PSMC2: variants seen among roughly 807,000 people sequenced by gnomAD.
The protein encoded by PSMC2 is 26S proteasome regulatory subunit 7.
Under a neutral mutation model 53.3 loss-of-function variants are expected in PSMC2, and 7 were observed. The ratio of observed to expected loss-of-function variants is 0.13; its 90% confidence interval spans 0.07 to 0.25. The LOEUF (loss-of-function observed/expected upper bound fraction) is 0.25, where lower values mean the gene tolerates loss of function less well. PSMC2 is among the 10% of genes least tolerant of loss of function. The probability of loss-of-function intolerance (pLI) is 1.00; values close to 1 mark genes in which losing one functional copy is unlikely to be tolerated. For synonymous variants in PSMC2, 169 were observed against 183.9 expected (o/e 0.92, Z 0.66); for missense variants, 241 against 544.0 (o/e 0.44, Z 5.54).
chr7:103,350,209 T>G (rs577305960), intron 1 of PSMC2, among the ~76,000 whole-genome samples: 21 of 152,326 alleles, frequency 1.4e-4, no homozygotes, highest in African/African-American at 4.8e-4. Flanking sequence ...TCTCCTAAGT[T>G]ACAAGTCATT....
intron 1 of PSMC2, 21 bp downstream of exon 1, chr7:103,347,802 G>A (rs371109157): frequency 1.3e-4 from 215 of 1,613,408 alleles, no homozygotes; most frequent in Non-Finnish European, 1.8e-4. Context: ...ATGGGCCGGA[G>A]CTCGGAGCTG....
At chr7:103,362,606 T>G in intron 5 of PSMC2, 80 bp from the exon 6 acceptor site, 1 of 1,480,586 alleles carries the variant, frequency 6.8e-7, no homozygotes, top group South Asian at 1.2e-5. Context: ...AAAGTATGGT[T>G]TTGGGGATAA....
chr7:103,349,651 T>A (rs1819685245), intron 1 of PSMC2, among the ~76,000 whole-genome samples: 1 of 152,124 alleles, frequency 6.6e-6, no homozygotes, highest in South Asian at 2.1e-4. Context: ...GGTTTCACAA[T>A]GTTGGCCAGG....
intron 1 of PSMC2, chr7:103,348,535 T>C (rs1819655968): frequency 1.4e-6 from 1 of 705,000 alleles, no homozygotes; most frequent in African/African-American, 1.7e-5. Flanking sequence ...GACGTGTAGA[T>C]TTTTCCAATT....
rs531480500 is a variant in PSMC2 at position 103,360,888 on chromosome 7, G to A, written c.291-1069G>A. 2.0e-5 allele frequency among the ~76,000 whole-genome samples: 3 copies of A among 152,204 alleles called. No individual in the cohort carries two copies. In the South Asian group the frequency reaches 6.2e-4, roughly 32 times the overall value. On this transcript the variant is annotated intron_variant, in intron 4 of 11. Transcript: ENST00000292644. The stretch of plus-strand genomic sequence containing the variant: ...GCACTTTGGGAGGCCGAAGCAGGTG[G>A]ATCACTTGAGGTCGGGAGTTTGAAA...
chr7:103,363,286 T>G, intron 6 of PSMC2, 58 bp from the exon 7 acceptor site: 1 of 1,377,528 alleles, frequency 7.3e-7, no homozygotes, highest in South Asian at 1.2e-5. Context: ...TCTATTGAAT[T>G]TGGACAGTAT....
intron 6 of PSMC2, 32 bp from the exon 7 acceptor site, chr7:103,363,312 C>G (rs200258655): frequency 1.3e-6 from 2 of 1,537,794 alleles, no homozygotes; most frequent in African/African-American, 2.7e-5. Flanking sequence ...AAGCCTGTGA[C>G]TGTATGTTGT....
At chr7:103,355,268 A>G (rs547961302) in intron 3 of PSMC2, among the ~76,000 whole-genome samples, 1 of 152,168 alleles carries the variant, frequency 6.6e-6, no homozygotes, top group East Asian at 1.9e-4. Context: ...ATCTCACAAC[A>G]TAGTTTTGCT....
rs538403659 is a variant in PSMC2, at chr7:103,353,005, A to G, written c.71-916A>G. The G allele has an allele frequency of 3.3e-4, 258 of 777,870 alleles. 2 individuals carry two copies. The East Asian group carries it at 6.2e-3, about 19-fold the overall frequency. 48.2% of individuals were successfully genotyped at this position (777,870 alleles called of 1,614,324 possible). A position where few individuals can be genotyped will look rare whatever the true frequency, so the allele number is the denominator to read the frequency against. The stretch of plus-strand genomic sequence containing the variant: ...CCACTCTGTCTATTTGCAAATGACC[A>G]TGAAAGCACATGAGTATTGATTTGG... On this transcript the variant is annotated intron_variant, in intron 1 of 11. Coordinates refer to ENST00000292644, the MANE Select transcript of PSMC2 (RefSeq NM_002803.4).
rs1275383008 is a variant in PSMC2 at position 103,366,250 on chromosome 7, A to G, written c.844+87A>G. ...ATGTCGTGATATGTTAATCTTGTACAGAATTTTAACTCCAACTCTTCTATG... is the reference window on the plus strand; with the variant it reads ...ATGTCGTGATATGTTAATCTTGTACGGAATTTTAACTCCAACTCTTCTATG... On this transcript the variant is annotated intron_variant, in intron 9 of 11. Coordinates refer to ENST00000292644, the MANE Select transcript of PSMC2 (RefSeq NM_002803.4). 5 of 1,226,024 alleles carry G rather than the reference A, an allele frequency of 4.1e-6. No homozygotes were observed. The East Asian group carries it at 7.0e-5, about 17-fold the overall frequency. 75.9% of individuals were successfully genotyped at this position (1,226,024 alleles called of 1,614,324 possible).
chr7:103,347,619 A>C (rs568087223), upstream of PSMC2: 1 of 1,469,486 alleles, frequency 6.8e-7, no homozygotes, highest in Admixed American at 1.7e-5. Flanking sequence ...AGCCCAATTT[A>C]CTTCCGGTGG....
intron 1 of PSMC2, chr7:103,352,853 C>T (rs773300968): frequency 2.6e-6 from 2 of 780,740 alleles, no homozygotes; most frequent in African/African-American, 3.4e-5. Flanking sequence ...CCACCTGGCC[C>T]CAAAGCCTGA....
At chr7:103,354,031 C>A in intron 2 of PSMC2, 73 bp downstream of exon 2, 4 of 1,158,694 alleles carry the variant, frequency 3.5e-6, no homozygotes, top group Admixed American at 2.6e-5. Context: ...ATTGTCCTTC[C>A]AAAATAATTA....
chr7:103,355,761 A>G lies in PSMC2; in HGVS notation c.258A>G (p.Thr86=), dbSNP rs1449819892. ...GGGATTTGGCTGCAGATAAGCAGAC[A>G]CTCCAGAGTGAACAGCCTTTACAGG... is the stretch of plus-strand genomic sequence containing the variant. The part of the protein sequence containing the change: ...ALWDLAADKQ[T]LQSEQPLQVA... The change falls in exon 4 of 12, where the codon ACA becomes ACG. Residue 86 remains threonine, a synonymous_variant. Coordinates refer to ENST00000292644, the MANE Select transcript of PSMC2 (RefSeq NM_002803.4). 2 of 1,613,840 alleles carry G rather than the reference A, an allele frequency of 1.2e-6. No homozygotes were observed. The highest frequency in any genetic ancestry group is 8.5e-7 in the Non-Finnish European group (1 of 1,179,926).
At chr7:103,364,954 C>CATAT (rs1554575463) in intron 8 of PSMC2, among the ~76,000 whole-genome samples, 1 of 38,962 alleles carries the variant, frequency 2.6e-5, no homozygotes, top group Non-Finnish European at 4.5e-5. Context: ...TGTTTGTAGA[C>CATAT]ATACATATAT....
intron 4 of PSMC2, among the ~76,000 whole-genome samples, chr7:103,359,337 A>G (rs551005118): frequency 6.6e-6 from 1 of 151,672 alleles, no homozygotes; most frequent in African/African-American, 2.4e-5. Context: ...ACTGATATAA[A>G]ATTCAGATAT....
At chr7:103,353,091 A>G (rs1024652251) in intron 1 of PSMC2, among the ~76,000 whole-genome samples, 2 of 152,224 alleles carry the variant, frequency 1.3e-5, no homozygotes, top group African/African-American at 4.8e-5. Context: ...GTGAATAGAA[A>G]AGATTAACTG....
chr7:103,363,438 A>T lies in PSMC2; in HGVS notation c.590A>T (p.His197Leu), dbSNP rs1174791601. ...GAAGTAGTTGAAACCCCATTACTTC[A>T]TGTAAGTAGCTGAGTGTTGTATTTA... ...LREVVETPLLHPERFVNLGIE... is the reference protein window; with the variant it reads ...LREVVETPLLLPERFVNLGIE... The change falls in exon 7 of 12, where the codon CAT (histidine) becomes CTT (leucine). Residue 197 changes from histidine to leucine, a missense_variant and splice_region_variant. By Grantham distance (99) the His-to-Leu change is moderately conservative. This residue lies in a region of PSMC2 where 75 missense variants were observed against 185.1 expected (regional missense o/e 0.41). Coordinates refer to ENST00000292644, the MANE Select transcript of PSMC2 (RefSeq NM_002803.4). 6.2e-7 allele frequency: 1 copy of T among 1,604,218 alleles called. No individual in the cohort carries two copies. The highest frequency in any genetic ancestry group is 8.5e-7 in the Non-Finnish European group (1 of 1,170,950).
At chr7:103,357,889 T>A (rs1001095756) in intron 4 of PSMC2, among the ~76,000 whole-genome samples, 5 of 152,232 alleles carry the variant, frequency 3.3e-5, no homozygotes, top group African/African-American at 1.2e-4. Flanking sequence ...AGTTATACCT[T>A]AGTTGCATCT....
Sources: gnomAD v4.1 joint callset for allele counts (sites outside exome capture counted in the v4.1 genomes callset) on GRCh38, gnomAD v4.1.1 for gene constraint, gnomAD v4.1.1 regional missense constraint, MANE v1.5 for transcripts, NCBI Gene and HGNC (gene_info 2026-07-23, HGNC 2026-07-21) for gene names.